VPS13D: variants seen among roughly 807,000 people sequenced by gnomAD.
VPS13D encodes the protein intermembrane lipid transfer protein VPS13D.
VPS13D carries 187 observed loss-of-function variants against 461.9 expected under a neutral mutation model. That is an observed-to-expected ratio of 0.40 (90% CI 0.36 to 0.46). The LOEUF (loss-of-function observed/expected upper bound fraction) is 0.46, where lower values mean the gene tolerates loss of function less well. VPS13D is among the 20% of genes least tolerant of loss of function. The pLI is 0.60. For missense variants in VPS13D, 4,711 were observed against 5,364.9 expected (o/e 0.88, Z 3.81); for synonymous variants, 1,951 against 1,986.3 (o/e 0.98, Z 0.47).
At chr1:12,288,350 A>C (rs762531950) in intron 22 of VPS13D, 37 bp downstream of exon 22, 35 of 1,568,394 alleles carry the variant, frequency 2.2e-5, no homozygotes, top group Non-Finnish European at 3.1e-5. Flanking sequence ...AAACTTGCAA[A>C]ATCTGGTCAG....
chr1:12,230,600 G>C (rs1324822114), intron 1 of VPS13D, among the ~76,000 whole-genome samples: 2 of 152,112 alleles, frequency 1.3e-5, no homozygotes, highest in Non-Finnish European at 2.9e-5. Flanking sequence ...TGGGGTGTCA[G>C]TTCTCTAGAA....
At chr1:12,420,603 A>G (rs560530810) in intron 65 of VPS13D, among the ~76,000 whole-genome samples, 20 of 152,306 alleles carry the variant, frequency 1.3e-4, no homozygotes, top group African/African-American at 3.4e-4. Flanking sequence ...TGAGGGTCCA[A>G]TGTTTCTTTT....
rs772860301 is a variant in VPS13D, at chr1:12,341,820, C to A, written c.8667C>A (p.Pro2889=). Residue 2889 remains proline, a synonymous_variant, in exon 41 of 70, where the codon CCC becomes CCA. Transcript: ENST00000620676. ...KTPKRRQPFV[P]FALRNHTGCT... ...CCAAGCGCCGGCAGCCATTTGTCCC[C>A]TTTGCTCTGAGGAACCACACGGGGT... 1 of 1,613,986 alleles carries A rather than the reference C, an allele frequency of 6.2e-7. No individual in the cohort carries two copies. Among genetic ancestry groups the A allele is most frequent in the East Asian group, 2.2e-5 (1 of 44,868 alleles).
intron 65 of VPS13D, among the ~76,000 whole-genome samples, chr1:12,417,297 G>A (rs1644806616): frequency 6.6e-6 from 1 of 152,186 alleles, no homozygotes; most frequent in Non-Finnish European, 1.5e-5. Context: ...GGACAGTGAT[G>A]TCATTCTCCA....
chr1:12,397,839 G>A (rs944062910), intron 60 of VPS13D, among the ~76,000 whole-genome samples: 3 of 152,156 alleles, frequency 2.0e-5, no homozygotes, highest in African/African-American at 7.2e-5. Flanking sequence ...CATAGAGATG[G>A]TCACTAGAAA....
intron 65 of VPS13D, among the ~76,000 whole-genome samples, chr1:12,423,394 A>C (rs1020386292): frequency 2.8e-4 from 42 of 152,270 alleles, no homozygotes; most frequent in Middle Eastern, 3.4e-3. Flanking sequence ...AAATAAACCA[A>C]AAAAATAAAA....
chr1:12,268,814 A>G lies in VPS13D; in HGVS notation c.1910A>G (p.Tyr637Cys). 2.5e-6 allele frequency: 4 copies of G among 1,614,122 alleles called. No individual in the cohort carries two copies. The highest frequency in any genetic ancestry group is 2.2e-5 in the East Asian group (1 of 44,886). Residue 637 changes from tyrosine to cysteine, a missense_variant, in exon 16 of 70, where the codon TAC becomes TGC. By Grantham distance (194) the Tyr-to-Cys change is radical. This residue lies in a region of VPS13D where 4,411 missense variants were observed against 4,937.8 expected (regional missense o/e 0.89). Coordinates refer to ENST00000620676, the MANE Select transcript of VPS13D (RefSeq NM_015378.4). The stretch of plus-strand genomic sequence containing the variant: ...AGCACAAGGCCCTTGAACATCATAT[A>G]CAATCCGCAGGCCATTAAAAAAGTA... ...NVSTRPLNIIYNPQAIKKVAD... is the reference protein window; with the variant it reads ...NVSTRPLNIICNPQAIKKVAD...
chr1:12,369,613 G>A lies in VPS13D; in HGVS notation c.10719G>A (p.Glu3573=), dbSNP rs1644089329. The change falls in exon 54 of 70, where the codon GAG becomes GAA. Residue 3573 remains glutamate, a synonymous_variant. Coordinates refer to ENST00000620676, the MANE Select transcript of VPS13D (RefSeq NM_015378.4). ...CTGTTAAAGGGGCAGGGTCCTCTGAGATCAACTGCAACATGAATGATTTCC... is the reference window on the plus strand; with the variant it reads ...CTGTTAAAGGGGCAGGGTCCTCTGAAATCAACTGCAACATGAATGATTTCC... ...TLTVKGAGSS[E]INCNMNDFQD... 1.9e-6 allele frequency: 3 copies of A among 1,614,174 alleles called. No homozygotes were observed. The highest frequency in any genetic ancestry group is 2.5e-6 in the Non-Finnish European group (3 of 1,180,034).
intron 56 of VPS13D, among the ~76,000 whole-genome samples, chr1:12,378,823 A>G (rs1367546210): frequency 6.6e-6 from 1 of 152,270 alleles, no homozygotes; most frequent in Non-Finnish European, 1.5e-5. Context: ...TAAAATGGGT[A>G]TAATGTGAAA....
At position 12,507,035 on chromosome 1, in the gene VPS13D, A is replaced by G; in HGVS notation, c.12977A>G (p.Lys4326Arg). ...HGKVYVQVTK[K>R]AVSTSSGVSI... is the part of the protein sequence containing the mutation. ...AAGGTGTATGTGCAGGTGACCAAGAAAGCCGTGAGCACGAGCAGTGGAGTG... is the reference window on the plus strand; with the variant it reads ...AAGGTGTATGTGCAGGTGACCAAGAGAGCCGTGAGCACGAGCAGTGGAGTG... The change falls in exon 69 of 70, where the codon AAA becomes AGA. Residue 4326 changes from lysine to arginine, a missense_variant. By Grantham distance (26) the Lys-to-Arg change is conservative. Around this residue, in one of 3 missense-constraint regions of VPS13D, gnomAD observed 194 missense variants for 220.9 expected, o/e 0.88. Transcript: ENST00000620676. This position sits in a 1 kb window ranked among gnomAD's most constrained non-coding sequence, Gnocchi z 5.3. 6.2e-7 allele frequency: 1 copy of G among 1,614,250 alleles called. No individual in the cohort carries two copies. Among genetic ancestry groups the G allele is most frequent in the Non-Finnish European group, 8.5e-7 (1 of 1,180,044 alleles).
At position 12,242,509 on chromosome 1, in the gene VPS13D, T is replaced by C; in HGVS notation, c.98-4T>C. On this transcript the variant is annotated splice_region_variant and splice_polypyrimidine_tract_variant and intron_variant, in intron 2 of 69. Coordinates refer to ENST00000620676, the MANE Select transcript of VPS13D (RefSeq NM_015378.4). ...ATATTTCATGATGCTGTTTTTATTT[T>C]TAGGTGCTGTTGAATTAGAAAACTT... 1 of 1,613,292 alleles carries C rather than the reference T, an allele frequency of 6.2e-7. No individual in the cohort carries two copies. Among genetic ancestry groups the C allele is most frequent in the Non-Finnish European group, 8.5e-7 (1 of 1,179,250 alleles).
rs764609068 is a variant in VPS13D, at chr1:12,261,065, T to C, written c.1330T>C (p.Tyr444His). Residue 444 changes from tyrosine to histidine, a missense_variant, in exon 12 of 70, where the codon TAC (tyrosine) becomes CAC (histidine). Physicochemically the swap from Tyr to His is moderately conservative, Grantham distance 83. This residue lies in a region of VPS13D where 4,411 missense variants were observed against 4,937.8 expected (regional missense o/e 0.89). Coordinates refer to ENST00000620676, the MANE Select transcript of VPS13D (RefSeq NM_015378.4). ...QSWFPGWGGW[Y>H]GQQTPEGNVV... ...CTGGTTTCCTGGATGGGGTGGCTGG[T>C]ACGGGCAGCAGACCCCAGAAGGGAA... 3 of 1,613,984 alleles carry C rather than the reference T, an allele frequency of 1.9e-6. No homozygotes were observed. The Admixed American group carries it at 5.0e-5, about 27-fold the overall frequency.
chr1:12,471,505 A>G (rs1363130442), intron 67 of VPS13D, among the ~76,000 whole-genome samples: 1 of 152,182 alleles, frequency 6.6e-6, no homozygotes, highest in African/African-American at 2.4e-5. Flanking sequence ...AGAGGCAATC[A>G]CTTTCAACAC....
At chr1:12,450,468 A>G (rs144346194) in intron 65 of VPS13D, among the ~76,000 whole-genome samples, 27 of 152,286 alleles carry the variant, frequency 1.8e-4, no homozygotes, top group African/African-American at 6.3e-4. Context: ...TTTAACTTAC[A>G]ATTTTTTGAC....
At chr1:12,396,029 A>ATATAT (rs1553187933) in intron 60 of VPS13D, among the ~76,000 whole-genome samples, 1 of 119,874 alleles carries the variant, frequency 8.3e-6, no homozygotes, top group South Asian at 2.4e-4. Context: ...ATATATATAT[A>ATATAT]GTTCTTTAAG....
At chr1:12,430,696 C>T (rs1259806342) in intron 65 of VPS13D, among the ~76,000 whole-genome samples, 1 of 152,246 alleles carries the variant, frequency 6.6e-6, no homozygotes, top group African/African-American at 2.4e-5. Context: ...AGAGGAGCTT[C>T]TGATGCCTTG....
Position 12,403,885 on chromosome 1 carries a change from T to G in VPS13D, c.11942T>G (p.Ile3981Ser). The change falls in exon 63 of 70, where the codon ATT becomes AGT. Residue 3981 changes from isoleucine to serine, a missense_variant. Coordinates refer to ENST00000620676, the MANE Select transcript of VPS13D (RefSeq NM_015378.4). Reference sequence around the variant, plus strand: ...ACAGCTGAGCAAGGTGGAACACCAATTCGATACTACTTTGAAAATCTCAAA... The same window carrying G: ...ACAGCTGAGCAAGGTGGAACACCAAGTCGATACTACTTTGAAAATCTCAAA... ...EKTAEQGGTP[I>S]RYYFENLKIS... 6.2e-7 allele frequency: 1 copy of G among 1,613,184 alleles called. No individual in the cohort carries two copies. Among genetic ancestry groups the G allele is most frequent in the Non-Finnish European group, 8.5e-7 (1 of 1,179,764 alleles).
At chr1:12,353,904 C>T in intron 46 of VPS13D, 70 bp from the exon 47 acceptor site, 1 of 1,499,856 alleles carries the variant, frequency 6.7e-7, no homozygotes, top group Non-Finnish European at 9.0e-7. Context: ...CTTTCTCATA[C>T]TTAGCTAAGG....
intron 65 of VPS13D, among the ~76,000 whole-genome samples, chr1:12,449,997 C>A (rs1645241192): frequency 6.6e-6 from 1 of 152,074 alleles, no homozygotes; most frequent in Non-Finnish European, 1.5e-5. Flanking sequence ...TGGTGGCACA[C>A]AACTGTAATC....
Sources: allele counts gnomAD v4.1 joint callset (sites outside exome capture counted in the v4.1 genomes callset), GRCh38; gene constraint gnomAD v4.1.1; regional missense constraint gnomAD v4.1.1; non-coding constraint Gnocchi (gnomAD v3.1); transcripts MANE v1.5; gene names NCBI Gene and HGNC (gene_info 2026-07-23, HGNC 2026-07-21).